Variants in ST6GAL1 observed in about 807,000 individuals in gnomAD.
The protein encoded by ST6GAL1 is ST6 beta-galactoside alpha-2,6-sialyltransferase 1.
A neutral mutation model predicts 38.0 loss-of-function variants in ST6GAL1; 20 were observed. The observed-to-expected ratio is 0.53, with a 90% CI of 0.37 to 0.77. The LOEUF is 0.77. ST6GAL1 is among the 30% of genes least tolerant of loss of function. The probability of loss-of-function intolerance (pLI) is 0.00; values close to 1 mark genes in which losing one functional copy is unlikely to be tolerated. For synonymous variants in ST6GAL1, 196 were observed against 188.2 expected (o/e 1.04, Z -0.34); for missense variants, 432 against 496.4 (o/e 0.87, Z 1.23).
intron 4 of ST6GAL1, 74 bp from the exon 5 acceptor site, chr3:187,051,175 C>G (rs554444017): frequency 3.0e-6 from 4 of 1,321,844 alleles, no homozygotes; most frequent in East Asian, 4.6e-5. Context: ...CCCCCTCCCC[C>G]GCCTCTCGTC....
At chr3:187,005,061 T>G (rs1716736904) in intron 2 of ST6GAL1, among the ~76,000 whole-genome samples, 1 of 80,674 alleles carries the variant, frequency 1.2e-5, no homozygotes, top group Non-Finnish European at 2.8e-5. Flanking sequence ...GGTATTGCAG[T>G]TTTTTTTTTA....
chr3:186,968,096 CT>C (rs1715212698), intron 2 of ST6GAL1, among the ~76,000 whole-genome samples: 1 of 152,184 alleles, frequency 6.6e-6, no homozygotes. Context: ...TGGCCTGTGG[CT>C]TCAGGTTGGG....
At chr3:187,060,595 G>A (rs1240434641) in intron 5 of ST6GAL1, among the ~76,000 whole-genome samples, 2 of 152,194 alleles carry the variant, frequency 1.3e-5, no homozygotes, top group Non-Finnish European at 2.9e-5. Flanking sequence ...GGTTAGATAC[G>A]CTGATAGCTT....
Position 187,076,158 on chromosome 3 carries a change from C to T in ST6GAL1, c.*355C>T. The T allele has an allele frequency of 3.7e-6, 1 of 273,120 alleles. No homozygotes were observed. Among genetic ancestry groups the T allele is most frequent in the Non-Finnish European group, 7.0e-6 (1 of 143,256 alleles). 16.9% of individuals were successfully genotyped at this position (273,120 alleles called of 1,614,324 possible). ...TTTCCCAGCAGAATGATGCCATTCT[C>T]ACAAACCAATGCTCTATATTGCTTG... On this transcript the variant is annotated 3_prime_UTR_variant, in exon 8 of 8. Transcript: ENST00000169298.
At chr3:186,956,826 G>A (rs1396216359) in intron 1 of ST6GAL1, among the ~76,000 whole-genome samples, 1 of 152,166 alleles carries the variant, frequency 6.6e-6, no homozygotes. Context: ...TAAAAAGACA[G>A]CTAACGATCA....
intron 2 of ST6GAL1, among the ~76,000 whole-genome samples, chr3:186,984,735 C>G (rs1300219025): frequency 1.1e-5 from 1 of 88,204 alleles, no homozygotes; most frequent in Non-Finnish European, 2.4e-5. Flanking sequence ...CCCTTCCTTC[C>G]TTCCTTCCCT....
chr3:186,942,874 T>TGTATTTTTGTATTTTTA (rs1282933491), intron 1 of ST6GAL1, among the ~76,000 whole-genome samples: 2 of 152,208 alleles, frequency 1.3e-5, no homozygotes, highest in Admixed American at 1.3e-4. Flanking sequence ...AGCTAATTTT[T>TGTATTTTTGTATTTTTA]GTATTTTTAG....
intron 1 of ST6GAL1, among the ~76,000 whole-genome samples, chr3:186,949,431 CAGA>C (rs1203201484): frequency 2.0e-5 from 3 of 152,194 alleles, no homozygotes; most frequent in East Asian, 1.9e-4. Flanking sequence ...AATGAATCCC[CAGA>C]AGATGATTCC....
At chr3:187,050,547 A>AGC in intron 4 of ST6GAL1, among the ~76,000 whole-genome samples, 1 of 145,238 alleles carries the variant, frequency 6.9e-6, no homozygotes, top group Admixed American at 7.0e-5. Flanking sequence ...AGAGAGAGAG[A>AGC]GAGAGAGAGA....
In ST6GAL1 at chr3:186,952,385, C is replaced by A. The variant is rs567147922; in HGVS notation, c.-324-11400C>A. Among the ~76,000 whole-genome samples the A allele has an allele frequency of 6.6e-6, 1 of 152,324 alleles. No homozygotes were observed. Among genetic ancestry groups the A allele is most frequent in the South Asian group, 2.1e-4 (1 of 4,830 alleles). On this transcript the variant is annotated intron_variant, in intron 1 of 7. Transcript: ENST00000169298. This position sits in a 1 kb window ranked among gnomAD's most constrained non-coding sequence, Gnocchi z 4.1. ...CTTTTGATACAATTGACCATTCCAT[C>A]CTCCTTGAAATAGTTTCTTCTCTTG... is the stretch of plus-strand genomic sequence containing the variant.
intron 2 of ST6GAL1, among the ~76,000 whole-genome samples, chr3:187,020,223 G>A (rs1717250343): frequency 1.3e-5 from 2 of 152,216 alleles, no homozygotes; most frequent in African/African-American, 4.8e-5. Context: ...TTGAACCTGG[G>A]AGGTGGAGGT....
chr3:186,962,999 T>TA (rs1358880802), intron 1 of ST6GAL1, among the ~76,000 whole-genome samples: 1 of 152,228 alleles, frequency 6.6e-6, no homozygotes, highest in East Asian at 1.9e-4. Flanking sequence ...TAGAGTATGT[T>TA]ATCTGTAGTT....
chr3:187,038,373 T>C (rs1718010145), intron 2 of ST6GAL1: 1 of 147,126 alleles, frequency 6.8e-6, no homozygotes, highest in Non-Finnish European at 1.5e-5. Context: ...GCCTGGCTAA[T>C]TTTTTTTTTG....
chr3:187,060,038 G>A (rs1718855401), intron 5 of ST6GAL1, among the ~76,000 whole-genome samples: 1 of 152,160 alleles, frequency 6.6e-6, no homozygotes, highest in Non-Finnish European at 1.5e-5. Context: ...CATGGGTACA[G>A]TTTTGTGTGG....
At chr3:187,011,112 C>T (rs1245233684) in intron 2 of ST6GAL1, among the ~76,000 whole-genome samples, 1 of 152,156 alleles carries the variant, frequency 6.6e-6, no homozygotes, top group Admixed American at 6.5e-5. Context: ...GATTCGCTTG[C>T]CTCAGCCTCC....
intron 2 of ST6GAL1, among the ~76,000 whole-genome samples, chr3:186,992,421 A>G (rs1716204001): frequency 1.3e-5 from 2 of 152,118 alleles, no homozygotes; most frequent in Non-Finnish European, 2.9e-5. Flanking sequence ...TTTATAAATT[A>G]CCCAGTCTCC....
chr3:186,946,139 C>T (rs373133713), intron 1 of ST6GAL1, among the ~76,000 whole-genome samples: 11 of 152,118 alleles, frequency 7.2e-5, no homozygotes, highest in African/African-American at 2.4e-4. Flanking sequence ...AACCCCGTCT[C>T]TACGAAAAAT....
chr3:186,941,611 A>C (rs914074972), intron 1 of ST6GAL1, among the ~76,000 whole-genome samples: 5 of 152,136 alleles, frequency 3.3e-5, no homozygotes, highest in Non-Finnish European at 7.3e-5. Flanking sequence ...GAGGGGAAAG[A>C]GTTGCAGGAA....
At chr3:186,979,762 G>A (rs926708650) in intron 2 of ST6GAL1, among the ~76,000 whole-genome samples, 2 of 152,172 alleles carry the variant, frequency 1.3e-5, no homozygotes, top group South Asian at 2.1e-4. Context: ...CAAGGCTTCC[G>A]AGAAGTTGCT....
Sources: allele counts gnomAD v4.1 joint callset (sites outside exome capture counted in the v4.1 genomes callset), GRCh38; gene constraint gnomAD v4.1.1; non-coding constraint Gnocchi (gnomAD v3.1); transcripts MANE v1.5; gene names NCBI Gene and HGNC (gene_info 2026-07-23, HGNC 2026-07-21).